CYP26B1: variants seen among roughly 807,000 people sequenced by gnomAD.
CYP26B1 encodes cytochrome P450 26B1.
In CYP26B1, 8 loss-of-function variants were observed where a neutral mutation model predicts 39.1. The observed-to-expected ratio is 0.20, with a 90% CI of 0.12 to 0.37. The LOEUF is 0.37. Ranked by LOEUF, CYP26B1 falls within the 10% of genes least tolerant of loss-of-function variation. The pLI, the probability that CYP26B1 is intolerant of heterozygous loss-of-function variation, is 1.00. For missense variants in CYP26B1, 615 were observed against 707.0 expected (o/e 0.87, Z 1.48); for synonymous variants, 321 against 314.3 (o/e 1.02, Z -0.23).
rs1023420049 is a variant in CYP26B1, at chr2:72,144,010, G to A, written c.408C>T (p.Asp136=). The A allele has an allele frequency of 6.2e-7, 1 of 1,613,660 alleles. No individual in the cohort carries two copies. Among genetic ancestry groups the A allele is most frequent in the East Asian group, 2.2e-5 (1 of 44,892 alleles). The part of the protein sequence containing the change: ...GPNTVSNSIG[D]IHRNKRKVFS... ...TTACCTTGCGCTTGTTGCGGTGGAT[G>A]TCGCCAATGGAATTGGACACCGTGT... The change falls in exon 2 of 6, where the codon GAC becomes GAT. Residue 136 remains aspartate, a synonymous_variant. Coordinates refer to ENST00000001146, the MANE Select transcript of CYP26B1 (RefSeq NM_019885.4).
chr2:72,147,447 G>A lies in CYP26B1; in HGVS notation c.204+184C>T, dbSNP rs1196039799. Among the ~76,000 whole-genome samples the A allele has an allele frequency of 1.3e-5, 2 of 152,174 alleles. No homozygotes were observed. The highest frequency in any genetic ancestry group is 2.9e-5 in the Non-Finnish European group (2 of 68,020). On this transcript the variant is annotated intron_variant, in intron 1 of 5. Coordinates refer to ENST00000001146, the MANE Select transcript of CYP26B1 (RefSeq NM_019885.4). This position sits in a 1 kb window ranked among gnomAD's most constrained non-coding sequence, Gnocchi z 6.1. Reference sequence around the variant, plus strand: ...TGAACCTGCGCCGCGGGCGCCAGTGGTCCCGGAACCGCGCTGCCGGCGGGC... The same window carrying A: ...TGAACCTGCGCCGCGGGCGCCAGTGATCCCGGAACCGCGCTGCCGGCGGGC...
chr2:72,134,355 C>G (rs1676692303), intron 4 of CYP26B1, among the ~76,000 whole-genome samples: 1 of 148,380 alleles, frequency 6.7e-6, no homozygotes. Context: ...CGCCAGCAAC[C>G]TGAAAAGGCT....
chr2:72,144,864 G>T (rs1677072838), intron 1 of CYP26B1, among the ~76,000 whole-genome samples: 1 of 152,166 alleles, frequency 6.6e-6, no homozygotes, highest in Non-Finnish European at 1.5e-5. Flanking sequence ...AGCGCGGGGC[G>T]GGGCGGGACC....
rs1676505046 is a variant in CYP26B1, at chr2:72,129,798, TAAG to T, written c.*2426_*2428del. ...AGTTGCAATAGTTAGGGATGATAAG[TAAG>T]AAACATCACCCATCTAATGCTAGCT... On this transcript the variant is annotated 3_prime_UTR_variant, in exon 6 of 6. Coordinates refer to ENST00000001146, the MANE Select transcript of CYP26B1 (RefSeq NM_019885.4). 1 of 152,092 alleles carries T rather than the reference TAAG, an allele frequency of 6.6e-6. No homozygotes were observed. Among genetic ancestry groups the T allele is most frequent in the Non-Finnish European group, 1.5e-5 (1 of 68,008 alleles). 9.4% of individuals were successfully genotyped at this position (152,092 alleles called of 1,614,324 possible).
chr2:72,129,580 TAGTTTATAAA>T lies in CYP26B1; in HGVS notation c.*2637_*2646del, dbSNP rs1300527698. On this transcript the variant is annotated 3_prime_UTR_variant, in exon 6 of 6. Coordinates refer to ENST00000001146, the MANE Select transcript of CYP26B1 (RefSeq NM_019885.4). The stretch of plus-strand genomic sequence containing the variant: ...ATTATAACAAAAATAGTACTTATAA[TAGTTTATAAA>T]GACAGACACAAAATTATAACATTTA... 2 of 152,406 alleles carry T rather than the reference TAGTTTATAAA, an allele frequency of 1.3e-5. No homozygotes were observed. The highest frequency in any genetic ancestry group is 2.9e-5 in the Non-Finnish European group (2 of 68,016). 9.4% of individuals were successfully genotyped at this position (152,406 alleles called of 1,614,324 possible). A position where few individuals can be genotyped will look rare whatever the true frequency, so the allele number is the denominator to read the frequency against.
rs1211593619 is a variant in CYP26B1, at chr2:72,129,677, C to A, written c.*2550G>T. ...CCATCTGGGCAGGGTCACGGTGGTG[C>A]CCAGAACACAAACGCCAGCGCCCAA... On this transcript the variant is annotated 3_prime_UTR_variant, in exon 6 of 6. Coordinates refer to ENST00000001146, the MANE Select transcript of CYP26B1 (RefSeq NM_019885.4). The A allele has an allele frequency of 2.0e-5, 3 of 152,146 alleles. No homozygotes were observed. The highest frequency in any genetic ancestry group is 7.3e-5 in the African/African-American group (3 of 41,310). 9.4% of individuals were successfully genotyped at this position (152,146 alleles called of 1,614,324 possible).
intron 2 of CYP26B1, among the ~76,000 whole-genome samples, chr2:72,137,370 G>A (rs1194049193): frequency 6.6e-6 from 1 of 152,234 alleles, no homozygotes; most frequent in Non-Finnish European, 1.5e-5. Context: ...AAACAGTGAG[G>A]TGGAACCAGA....
At chr2:72,144,747 A>C (rs1677069940) in intron 1 of CYP26B1, among the ~76,000 whole-genome samples, 1 of 151,484 alleles carries the variant, frequency 6.6e-6, no homozygotes, top group Non-Finnish European at 1.5e-5. Flanking sequence ...CCCTCGGAGG[A>C]CTCTGCAGGG....
intron 1 of CYP26B1, among the ~76,000 whole-genome samples, chr2:72,146,814 C>T (rs1299080329): frequency 1.3e-5 from 2 of 152,206 alleles, no homozygotes; most frequent in African/African-American, 4.8e-5. Flanking sequence ...GAGGTGAACT[C>T]CAGGTTAATC....
Position 72,144,135 on chromosome 2 carries a change from G to C in CYP26B1, c.283C>G (p.Arg95Gly), listed in dbSNP as rs1286793044. The C allele has an allele frequency of 6.2e-7, 1 of 1,611,118 alleles. No homozygotes were observed. The highest frequency in any genetic ancestry group is 8.5e-7 in the Non-Finnish European group (1 of 1,177,554). Residue 95 changes from arginine (R) to glycine (G), a missense_variant, in exon 2 of 6, where the codon CGC becomes GGC. Transcript: ENST00000001146. ...CGCACGTTCTCCGCGCCGGTCACGC[G>C]TATCAGCGGCCGCCCCAACAAATGC... ...KTHLLGRPLIRVTGAENVRKI... is the reference protein window; with the variant it reads ...KTHLLGRPLIGVTGAENVRKI...
intron 2 of CYP26B1, among the ~76,000 whole-genome samples, chr2:72,136,653 G>A (rs548867417): frequency 5.3e-5 from 8 of 152,318 alleles, no homozygotes; most frequent in African/African-American, 1.7e-4. Context: ...ATAGGAGGTC[G>A]CCTGGGTCAG....
chr2:72,143,079 C>G (rs1427870020), intron 2 of CYP26B1: 1 of 167,068 alleles, frequency 6.0e-6, no homozygotes, highest in Non-Finnish European at 1.5e-5. Flanking sequence ...TGCCACCGCT[C>G]AGGGACGGGG....
intron 1 of CYP26B1, chr2:72,144,520 G>GGGC: frequency 2.6e-6 from 3 of 1,154,956 alleles, no homozygotes; most frequent in African/African-American, 1.7e-5. Context: ...GGGAGTCTCC[G>GGGC]CCCCCACCCC....
In CYP26B1 at chr2:72,132,417, A is replaced by G. The variant is rs1394650857; in HGVS notation, c.1349T>C (p.Phe450Ser). 6.2e-7 allele frequency: 1 copy of G among 1,612,732 alleles called. No homozygotes were observed. Among genetic ancestry groups the G allele is most frequent in the Admixed American group, 1.7e-5 (1 of 59,956 alleles). Reference sequence around the variant, plus strand: ...CAGCTCCACCGCCAGCACCTTCAGGAACAGCTTGGCCAGGTGCTTGCCCAG... The same window carrying G: ...CAGCTCCACCGCCAGCACCTTCAGGGACAGCTTGGCCAGGTGCTTGCCCAG... ...TCLGKHLAKL[F>S]LKVLAVELAS... Residue 450 changes from phenylalanine (F) to serine (S), a missense_variant, in exon 6 of 6, where the codon TTC becomes TCC. Coordinates refer to ENST00000001146, the MANE Select transcript of CYP26B1 (RefSeq NM_019885.4).
chr2:72,142,148 TC>T (rs1676961389), intron 2 of CYP26B1, among the ~76,000 whole-genome samples: 1 of 87,812 alleles, frequency 1.1e-5, no homozygotes. Flanking sequence ...TCCTTCTCCC[TC>T]CCCTCTAAAT....
intron 4 of CYP26B1, among the ~76,000 whole-genome samples, chr2:72,133,732 C>G (rs1487142594): frequency 1.3e-5 from 2 of 152,204 alleles, no homozygotes; most frequent in Non-Finnish European, 2.9e-5. Context: ...CCGGGCCTTC[C>G]CACTCCCAGT....
chr2:72,132,230 G>C lies in CYP26B1; in HGVS notation c.1536C>G (p.Val512=), dbSNP rs753348520. 1.3e-6 allele frequency: 2 copies of C among 1,599,246 alleles called. No individual in the cohort carries two copies. Among genetic ancestry groups the C allele is most frequent in the East Asian group, 2.3e-5 (1 of 44,380 alleles). The change falls in exon 6 of 6, where the codon GTC becomes GTG. Residue 512 remains valine, a synonymous_variant. Transcript: ENST00000001146. ...GCTGAGGCGGGTGGGTCTTGGGTTAGACTGTGGCGCTCAGCATGGCCTCCG... is the reference window on the plus strand; with the variant it reads ...GCTGAGGCGGGTGGGTCTTGGGTTACACTGTGGCGCTCAGCATGGCCTCCG... ...PETEAMLSAT[V] is the part of the protein sequence containing the mutation.
chr2:72,139,689 C>T (rs10190766), intron 2 of CYP26B1, among the ~76,000 whole-genome samples: 32,713 of 151,986 alleles, frequency 0.22, 10,003 homozygotes, highest in African/African-American at 0.69. Flanking sequence ...CTGAGATTTG[C>T]TTGGCCACTC....
At chr2:72,144,833 C>A (rs1030190381) in intron 1 of CYP26B1, among the ~76,000 whole-genome samples, 3 of 152,182 alleles carry the variant, frequency 2.0e-5, no homozygotes, top group Admixed American at 6.5e-5. Flanking sequence ...CTTTGGTTGC[C>A]GCCCTGGAGT....
Sources: gnomAD v4.1 joint callset for allele counts (sites outside exome capture counted in the v4.1 genomes callset) on GRCh38, gnomAD v4.1.1 for gene constraint, Gnocchi (gnomAD v3.1) non-coding constraint, MANE v1.5 for transcripts, NCBI Gene and HGNC (gene_info 2026-07-23, HGNC 2026-07-21) for gene names.